GALNT13: variants seen among roughly 807,000 people sequenced by gnomAD.
GALNT13 encodes UDP-GalNAc:polypeptide N-acetylgalactosaminyltransferase 13.
Under a neutral mutation model 64.2 loss-of-function variants are expected in GALNT13, and 28 were observed. The ratio of observed to expected loss-of-function variants is 0.44; its 90% confidence interval spans 0.32 to 0.60. GALNT13 has a LOEUF of 0.60. Among genes scored for constraint, GALNT13 ranks in the 20% least tolerant of loss-of-function variants. The pLI is 0.05. For synonymous variants in GALNT13, 214 were observed against 224.6 expected (o/e 0.95, Z 0.42); for missense variants, 577 against 669.8 (o/e 0.86, Z 1.53).
At chr2:154,455,659 C>G (rs1056800173), downstream of GALNT13, among the ~76,000 whole-genome samples, 2 of 152,152 alleles carry the variant, frequency 1.3e-5, no homozygotes, top group African/African-American at 4.8e-5. Flanking sequence ...TACTAAATAT[C>G]AGCTATTGTA....
At chr2:153,712,053 C>CT in the GALNT13 span, among the ~76,000 whole-genome samples, 1 of 152,098 alleles carries the variant, frequency 6.6e-6, no homozygotes, top group Non-Finnish European at 1.5e-5. Flanking sequence ...GGTTTGTGAT[C>CT]TTTTTTATGA....
the GALNT13 span, among the ~76,000 whole-genome samples, chr2:153,357,680 G>C: frequency 6.6e-6 from 1 of 152,026 alleles, no homozygotes; most frequent in Admixed American, 6.6e-5. Flanking sequence ...GCTGTACATA[G>C]TCACTCCAAG....
At chr2:153,948,671 G>A (rs1369246338) in intron 3 of GALNT13, among the ~76,000 whole-genome samples, 1 of 152,006 alleles carries the variant, frequency 6.6e-6, no homozygotes. Context: ...AATACTATGC[G>A]CCATAAAAAA....
At chr2:154,194,224 T>C (rs1686756740) in intron 4 of GALNT13, among the ~76,000 whole-genome samples, 1 of 152,228 alleles carries the variant, frequency 6.6e-6, no homozygotes, top group African/African-American at 2.4e-5. Context: ...ATTATAATTC[T>C]AATTGGTGTC....
chr2:153,121,177 C>T, the GALNT13 span, among the ~76,000 whole-genome samples: 1 of 152,168 alleles, frequency 6.6e-6, no homozygotes, highest in Non-Finnish European at 1.5e-5. Context: ...GATAGACTTT[C>T]CAAAGCTGAA....
chr2:153,406,068 A>G, the GALNT13 span, among the ~76,000 whole-genome samples: 2 of 152,228 alleles, frequency 1.3e-5, no homozygotes, highest in African/African-American at 2.4e-5. Flanking sequence ...TACAAGAAGC[A>G]TATGAACCAG....
chr2:154,408,910 A>G (rs1354914903), intron 10 of GALNT13, 74 bp from the exon 11 acceptor site: 8 of 877,910 alleles, frequency 9.1e-6, no homozygotes, highest in Non-Finnish European at 1.5e-5. Context: ...AGATAGTAAC[A>G]TGAGAAGGAT....
intron 3 of GALNT13, among the ~76,000 whole-genome samples, chr2:154,086,030 T>G (rs2105426476): frequency 6.6e-6 from 1 of 151,782 alleles, no homozygotes; most frequent in South Asian, 2.1e-4. Flanking sequence ...CCATTGTCAG[T>G]AGGCAACATT....
At chr2:153,872,645 GC>G (rs1482595045) in intron 1 of GALNT13, among the ~76,000 whole-genome samples, 2 of 141,894 alleles carry the variant, frequency 1.4e-5, no homozygotes, top group Non-Finnish European at 3.0e-5. Context: ...AGCGGCTCTG[GC>G]CCCCTCTGCG....
At chr2:154,025,977 G>A (rs1422245966) in intron 3 of GALNT13, among the ~76,000 whole-genome samples, 1 of 152,104 alleles carries the variant, frequency 6.6e-6, no homozygotes, top group East Asian at 1.9e-4. Context: ...GAGAAGGGGA[G>A]TGAAGGCTTA....
chr2:153,639,159 T>C, the GALNT13 span, among the ~76,000 whole-genome samples: 1 of 152,036 alleles, frequency 6.6e-6, no homozygotes, highest in Non-Finnish European at 1.5e-5. Flanking sequence ...TGATGGTACA[T>C]GTTTTTTAAT....
At chr2:153,528,049 AT>A in the GALNT13 span, among the ~76,000 whole-genome samples, 1 of 151,982 alleles carries the variant, frequency 6.6e-6, no homozygotes, top group African/African-American at 2.4e-5. Context: ...CAGAAAACCA[AT>A]AACAAGTGGC....
intron 3 of GALNT13, among the ~76,000 whole-genome samples, chr2:154,061,827 G>A (rs1319683143): frequency 1.3e-5 from 2 of 152,010 alleles, no homozygotes; most frequent in African/African-American, 2.4e-5. Context: ...CATAATTTTA[G>A]CAGTCATTTA....
chr2:153,817,028 T>C, the GALNT13 span, among the ~76,000 whole-genome samples: 13 of 152,288 alleles, frequency 8.5e-5, no homozygotes, highest in South Asian at 2.7e-3. Context: ...CATTTTAAGC[T>C]AGTTATTTTC....
the GALNT13 span, among the ~76,000 whole-genome samples, chr2:153,528,079 A>G: frequency 6.6e-6 from 1 of 151,962 alleles, no homozygotes; most frequent in Non-Finnish European, 1.5e-5. Context: ...GTTCTTATCA[A>G]TAATAATATT....
At chr2:154,050,369 C>T (rs1040099708) in intron 3 of GALNT13, among the ~76,000 whole-genome samples, 1 of 152,168 alleles carries the variant, frequency 6.6e-6, no homozygotes, top group Non-Finnish European at 1.5e-5. Flanking sequence ...TGACCCCAGA[C>T]CCTGTGCTCT....
At chr2:153,070,193 A>G in the GALNT13 span, among the ~76,000 whole-genome samples, 1 of 152,196 alleles carries the variant, frequency 6.6e-6, no homozygotes, top group African/African-American at 2.4e-5. Context: ...AAATATTGCT[A>G]AGTAAAATGT....
chr2:153,627,831 T>C, the GALNT13 span, among the ~76,000 whole-genome samples: 1 of 152,092 alleles, frequency 6.6e-6, no homozygotes, highest in Non-Finnish European at 1.5e-5. Context: ...CTTGGCGATG[T>C]GGGCTCTTTT....
At chr2:153,975,695 G>C (rs1694032246) in intron 3 of GALNT13, among the ~76,000 whole-genome samples, 1 of 151,912 alleles carries the variant, frequency 6.6e-6, no homozygotes, top group South Asian at 2.1e-4. Flanking sequence ...AGAGTTGTTG[G>C]CCAAAAGAAC....
Sources: gnomAD v4.1 joint callset for allele counts (sites outside exome capture counted in the v4.1 genomes callset) on GRCh38, gnomAD v4.1.1 for gene constraint, MANE v1.5 for transcripts, NCBI Gene and HGNC (gene_info 2026-07-23, HGNC 2026-07-21) for gene names.